SYT17: variants seen among roughly 807,000 people sequenced by gnomAD.
SYT17 encodes the protein synaptotagmin-17.
SYT17 carries 22 observed loss-of-function variants against 46.7 expected under a neutral mutation model. The ratio of observed to expected loss-of-function variants is 0.47; its 90% confidence interval spans 0.34 to 0.67. SYT17 has a LOEUF of 0.67. Ranked by LOEUF, SYT17 falls within the 30% of genes least tolerant of loss-of-function variation. The pLI is 0.01. For missense variants in SYT17, 519 were observed against 612.8 expected (o/e 0.85, Z 1.62); for synonymous variants, 251 against 248.4 (o/e 1.01, Z -0.10).
chr16:19,172,338 G>A, intron 1 of SYT17: 1 of 1,364,968 alleles, frequency 7.3e-7, no homozygotes, highest in Non-Finnish European at 9.4e-7. Context: ...AACATCCACT[G>A]TGTGCCTGCC....
chr16:19,241,401 G>A (rs1489949018), intron 7 of SYT17, among the ~76,000 whole-genome samples: 3 of 152,022 alleles, frequency 2.0e-5, no homozygotes, highest in East Asian at 3.9e-4. Flanking sequence ...GTCTGCAGCT[G>A]TAGCTAGGTG....
At chr16:19,230,697 G>C (rs1004049395) in intron 7 of SYT17, among the ~76,000 whole-genome samples, 1 of 152,172 alleles carries the variant, frequency 6.6e-6, no homozygotes, top group Non-Finnish European at 1.5e-5. Context: ...GTAATAGTTA[G>C]GAACCAGACC....
At chr16:19,200,255 C>T (rs1039851438) in intron 5 of SYT17, among the ~76,000 whole-genome samples, 2 of 152,232 alleles carry the variant, frequency 1.3e-5, no homozygotes, top group Non-Finnish European at 2.9e-5. Context: ...GGGCCATATA[C>T]ATGGGCCCAT....
chr16:19,204,264 C>T (rs1458630305), intron 5 of SYT17, among the ~76,000 whole-genome samples: 2 of 152,082 alleles, frequency 1.3e-5, no homozygotes, highest in African/African-American at 4.8e-5. Flanking sequence ...CCACATGCCC[C>T]CTGCAGGGCA....
Position 19,267,288 on chromosome 16 carries a change from G to A in SYT17, c.*212G>A, listed in dbSNP as rs113871001. The A allele has an allele frequency of 0.069, 32,371 of 469,018 alleles. 1,353 individuals are homozygous for A. Among genetic ancestry groups the A allele is most frequent in the African/African-American group, 0.13 (6,532 of 50,856 alleles). 29.1% of individuals were successfully genotyped at this position (469,018 alleles called of 1,614,324 possible). ...AAATGGCCGCCCTCAGTTGAGTGAG[G>A]CCTAGGAACTTTCCGGAAGCCCCAT... is the stretch of plus-strand genomic sequence containing the variant. On this transcript the variant is annotated 3_prime_UTR_variant, in exon 8 of 8. Coordinates refer to ENST00000355377, the MANE Select transcript of SYT17 (RefSeq NM_016524.4).
intron 7 of SYT17, among the ~76,000 whole-genome samples, chr16:19,248,977 A>C (rs181594579): frequency 6.6e-6 from 1 of 152,278 alleles, no homozygotes; most frequent in Non-Finnish European, 1.5e-5. Context: ...TACTAAAGGC[A>C]AAACTATGGT....
chr16:19,199,260 C>T (rs554520120), intron 5 of SYT17, among the ~76,000 whole-genome samples: 1 of 151,650 alleles, frequency 6.6e-6, no homozygotes, highest in African/African-American at 2.4e-5. Context: ...CTCACTCAAG[C>T]CTGTGAGGTA....
chr16:19,220,303 C>CTTTCTTTTTTTTTTTTTTTTTTTT (rs776097400), intron 5 of SYT17, among the ~76,000 whole-genome samples: 32 of 80,496 alleles, frequency 4.0e-4, no homozygotes, highest in East Asian at 9.8e-4. Context: ...TTCTTTCTTT[C>CTTTCTTTTTTTTTTTTTTTTTTTT]TTTTTTTTTT....
intron 7 of SYT17, among the ~76,000 whole-genome samples, chr16:19,235,548 G>A (rs886825389): frequency 2.0e-5 from 3 of 152,156 alleles, no homozygotes; most frequent in African/African-American, 4.8e-5. Flanking sequence ...CTTGATTTAC[G>A]AAGAATTAGC....
chr16:19,238,637 A>G (rs1966883026), intron 7 of SYT17, among the ~76,000 whole-genome samples: 2 of 152,240 alleles, frequency 1.3e-5, no homozygotes, highest in Non-Finnish European at 2.9e-5. Flanking sequence ...TGGCTGTTTA[A>G]TGACTCTGGT....
Position 19,211,137 on chromosome 16 carries a change from G to A in SYT17, c.952-11908G>A, listed in dbSNP as rs1965883449. ...TGGTTCTCCCTAGCCCACCCCACGT[G>A]GTTCGACCAAATTAAGCGCATCGGG... is the stretch of plus-strand genomic sequence containing the variant. On this transcript the variant is annotated intron_variant, in intron 5 of 7. Transcript: ENST00000355377. The A allele has an allele frequency of 1.9e-5, 7 of 364,488 alleles. No individual in the cohort carries two copies. The South Asian group carries it at 2.0e-4, about 10-fold the overall frequency. The allele number at this position is 364,488 out of a possible 1,614,324, so 22.6% of individuals were successfully genotyped here.
intron 5 of SYT17, among the ~76,000 whole-genome samples, chr16:19,212,138 GA>G (rs996151021): frequency 4.6e-5 from 7 of 152,214 alleles, no homozygotes; most frequent in African/African-American, 1.7e-4. Context: ...CCACTGGGGA[GA>G]GGGGTGATGC....
At chr16:19,229,200 C>T (rs1057293656) in intron 7 of SYT17, among the ~76,000 whole-genome samples, 4 of 152,126 alleles carry the variant, frequency 2.6e-5, no homozygotes, top group South Asian at 4.1e-4. Context: ...GGAAAGAAAG[C>T]GTATTAGTCC....
chr16:19,206,359 C>A (rs1965671566), intron 5 of SYT17, among the ~76,000 whole-genome samples: 1 of 152,096 alleles, frequency 6.6e-6, no homozygotes, highest in Non-Finnish European at 1.5e-5. Flanking sequence ...TCCTCCTTTT[C>A]TTAGGAGGAA....
At chr16:19,263,780 T>G (rs1969167636) in intron 7 of SYT17, among the ~76,000 whole-genome samples, 1 of 151,628 alleles carries the variant, frequency 6.6e-6, no homozygotes, top group South Asian at 2.1e-4. Context: ...ACATGGCATA[T>G]CCATACAATG....
At chr16:19,195,526 G>T (rs1168282711) in intron 5 of SYT17, among the ~76,000 whole-genome samples, 1 of 151,962 alleles carries the variant, frequency 6.6e-6, no homozygotes, top group South Asian at 2.1e-4. Flanking sequence ...GACCAGCCTG[G>T]CCAACATGGT....
chr16:19,264,876 G>A (rs958101724), intron 7 of SYT17, among the ~76,000 whole-genome samples: 2 of 151,980 alleles, frequency 1.3e-5, no homozygotes, highest in African/African-American at 4.8e-5. Context: ...TTACAGATGC[G>A]AGCCACCGTG....
intron 7 of SYT17, among the ~76,000 whole-genome samples, chr16:19,226,266 A>T (rs1000039039): frequency 1.6e-4 from 25 of 152,030 alleles, no homozygotes; most frequent in South Asian, 6.3e-4. Context: ...TTCCTCAAAC[A>T]CCCAGGTAGG....
chr16:19,226,375 G>A (rs1373840757), intron 7 of SYT17, among the ~76,000 whole-genome samples: 1 of 152,206 alleles, frequency 6.6e-6, no homozygotes, highest in South Asian at 2.1e-4. Context: ...CTGGGCTCCA[G>A]GTCTCCCAAG....
Sources: allele counts gnomAD v4.1 joint callset (sites outside exome capture counted in the v4.1 genomes callset), GRCh38; gene constraint gnomAD v4.1.1; transcripts MANE v1.5; gene names NCBI Gene and HGNC (gene_info 2026-07-23, HGNC 2026-07-21).